Variants in CADM1 observed in about 807,000 individuals in gnomAD.
CADM1 encodes the protein cell adhesion molecule 1.
In CADM1, 15 loss-of-function variants were observed where a neutral mutation model predicts 53.1. The ratio of observed to expected loss-of-function variants is 0.28; its 90% CI spans 0.19 to 0.44. The LOEUF (loss-of-function observed/expected upper bound fraction) is 0.44, where lower values mean the gene tolerates loss of function less well. Among genes scored for constraint, CADM1 ranks in the 20% least tolerant of loss-of-function variants. The probability of loss-of-function intolerance (pLI) is 1.00; values close to 1 mark genes in which losing one functional copy is unlikely to be tolerated. For synonymous variants in CADM1, 281 were observed against 243.0 expected (o/e 1.16, Z -1.45); for missense variants, 434 against 611.3 (o/e 0.71, Z 3.06).
intron 1 of CADM1, among the ~76,000 whole-genome samples, chr11:115,247,135 A>G (rs964147660): frequency 1.3e-5 from 2 of 152,214 alleles, no homozygotes; most frequent in African/African-American, 2.4e-5. Context: ...TTGAATTCCA[A>G]AAGCTGATTA....
chr11:115,404,349 ATATATATATATATATATATAT>A (rs1565410061), intron 1 of CADM1, among the ~76,000 whole-genome samples: 2,499 of 23,222 alleles, frequency 0.11, 440 homozygotes, highest in Non-Finnish European at 0.16. Context: ...AAAAAAAAAT[ATATATATATATATATATATAT>A]ATATATATAT....
At chr11:115,199,780 T>C (rs529695217) in intron 8 of CADM1, among the ~76,000 whole-genome samples, 1 of 152,338 alleles carries the variant, frequency 6.6e-6, no homozygotes, top group African/African-American at 2.4e-5. Context: ...CAAATGGTGG[T>C]GGTTGAAGTA....
intron 1 of CADM1, among the ~76,000 whole-genome samples, chr11:115,503,171 C>T (rs950740700): frequency 3.3e-5 from 5 of 152,182 alleles, no homozygotes; most frequent in African/African-American, 9.6e-5. Context: ...TGCAGCACAG[C>T]CGGCCTCTCC....
At chr11:115,343,111 A>C (rs1945490888) in intron 1 of CADM1, among the ~76,000 whole-genome samples, 1 of 152,190 alleles carries the variant, frequency 6.6e-6, no homozygotes, top group African/African-American at 2.4e-5. Flanking sequence ...TCAAGCATTG[A>C]GAATGTACTT....
At chr11:115,342,496 G>A (rs1448948317) in intron 1 of CADM1, among the ~76,000 whole-genome samples, 2 of 152,168 alleles carry the variant, frequency 1.3e-5, no homozygotes, top group African/African-American at 2.4e-5. Context: ...AGTCTCCAAA[G>A]TCAAGGGCTA....
intron 1 of CADM1, chr11:115,397,808 A>C (rs1265415776): frequency 1.3e-5 from 2 of 152,206 alleles, no homozygotes; most frequent in African/African-American, 4.8e-5. Context: ...AGATTAACAA[A>C]ATGGTGGATA....
intron 1 of CADM1, among the ~76,000 whole-genome samples, chr11:115,260,739 C>A (rs1438358230): frequency 6.6e-6 from 1 of 152,120 alleles, no homozygotes; most frequent in African/African-American, 2.4e-5. Context: ...GTGGCACGAT[C>A]TTGGCTCACT....
intron 1 of CADM1, among the ~76,000 whole-genome samples, chr11:115,402,757 T>C (rs1384090279): frequency 1.3e-5 from 2 of 152,082 alleles, no homozygotes. Context: ...ACATACTCCG[T>C]TTATGAGGCT....
intron 1 of CADM1, among the ~76,000 whole-genome samples, chr11:115,273,442 A>G (rs1372134601): frequency 6.6e-6 from 1 of 152,244 alleles, no homozygotes; most frequent in Non-Finnish European, 1.5e-5. Flanking sequence ...ACAAGAAGTC[A>G]TACCAGATAT....
intron 7 of CADM1, among the ~76,000 whole-genome samples, chr11:115,213,574 G>A (rs755080482): frequency 3.3e-5 from 5 of 152,100 alleles, no homozygotes; most frequent in African/African-American, 4.8e-5. Context: ...TGATTAAAAA[G>A]ACTGCCACTC....
chr11:115,302,041 A>T (rs1407586316), intron 1 of CADM1, among the ~76,000 whole-genome samples: 1 of 151,968 alleles, frequency 6.6e-6, no homozygotes. Flanking sequence ...GTAAACGCAG[A>T]CACACACACA....
intron 1 of CADM1, among the ~76,000 whole-genome samples, chr11:115,387,183 C>T (rs990306222): frequency 6.6e-6 from 1 of 152,058 alleles, no homozygotes; most frequent in Non-Finnish European, 1.5e-5. Context: ...AATAAGTATG[C>T]TTGATTAAAA....
Position 115,175,147 on chromosome 11 carries a change from A to G in CADM1, c.*1327T>C. On this transcript the variant is annotated 3_prime_UTR_variant, in exon 12 of 12. Transcript: ENST00000331581. ...TTTGATTAAGTAACTGAAAATCCGT[A>G]CATGCTGTTTTTCCACCTCTGCTCT... The G allele has an allele frequency of 2.0e-6, 2 of 985,876 alleles. No individual in the cohort carries two copies. The highest frequency in any genetic ancestry group is 2.4e-6 in the Non-Finnish European group (2 of 829,932). 61.1% of individuals were successfully genotyped at this position (985,876 alleles called of 1,614,324 possible).
Position 115,173,876 on chromosome 11 carries a change from C to T in CADM1, c.*2598G>A. The T allele has an allele frequency of 2.1e-6, 2 of 969,250 alleles. No individual in the cohort carries two copies. Among genetic ancestry groups the T allele is most frequent in the Non-Finnish European group, 2.5e-6 (2 of 815,242 alleles). 60.0% of individuals were successfully genotyped at this position (969,250 alleles called of 1,614,324 possible). A position where few individuals can be genotyped will look rare whatever the true frequency, so the allele number is the denominator to read the frequency against. ...TATTTGGCATCAATTATACATCCTT[C>T]ATTATTTTATATTCCTTTAAAAAAC... On this transcript the variant is annotated 3_prime_UTR_variant, in exon 12 of 12. Transcript: ENST00000331581.
At chr11:115,450,731 A>G (rs968328164) in intron 1 of CADM1, among the ~76,000 whole-genome samples, 3 of 152,248 alleles carry the variant, frequency 2.0e-5, no homozygotes, top group African/African-American at 7.2e-5. Context: ...GAAAATGGCT[A>G]TCATTGCCAG....
At chr11:115,282,063 C>A (rs1449235828) in intron 1 of CADM1, among the ~76,000 whole-genome samples, 2 of 152,122 alleles carry the variant, frequency 1.3e-5, no homozygotes, top group African/African-American at 4.8e-5. Flanking sequence ...AAGATCCTTC[C>A]AGTTCCTTGC....
intron 1 of CADM1, among the ~76,000 whole-genome samples, chr11:115,497,090 A>G (rs577639812): frequency 9.2e-4 from 140 of 152,294 alleles, no homozygotes; most frequent in Non-Finnish European, 1.8e-3. Context: ...CTGGACAGCC[A>G]ACGAGGAATC....
At chr11:115,221,291 G>A (rs2134797123) in intron 5 of CADM1, among the ~76,000 whole-genome samples, 1 of 152,282 alleles carries the variant, frequency 6.6e-6, no homozygotes, top group South Asian at 2.1e-4. Context: ...TAGGTCGAGG[G>A]ATCTGAGGTT....
chr11:115,405,218 G>T (rs1402373318), intron 1 of CADM1, among the ~76,000 whole-genome samples: 1 of 152,156 alleles, frequency 6.6e-6, no homozygotes, highest in East Asian at 1.9e-4. Flanking sequence ...TTCCTAAGTA[G>T]CTGGGATTAC....
Sources: allele counts gnomAD v4.1 joint callset (sites outside exome capture counted in the v4.1 genomes callset), GRCh38; gene constraint gnomAD v4.1.1; transcripts MANE v1.5; gene names NCBI Gene and HGNC (gene_info 2026-07-23, HGNC 2026-07-21).